DNAH7: variants seen among roughly 807,000 people sequenced by gnomAD.
DNAH7 encodes the protein axonemal beta dynein heavy chain 7.
Under a neutral mutation model 444.6 loss-of-function variants are expected in DNAH7, and 397 were observed. The observed-to-expected ratio is 0.89, with a 90% confidence interval of 0.82 to 0.97. The LOEUF is 0.97. DNAH7 is among the 50% of genes least tolerant of loss of function. DNAH7 has a pLI of 0.00. For missense variants in DNAH7, 4,902 were observed against 4,800.8 expected (o/e 1.02, Z -0.62); for synonymous variants, 1,636 against 1,624.4 (o/e 1.01, Z -0.17).
At chr2:195,759,145 T>C (rs1053320240) in intron 61 of DNAH7, among the ~76,000 whole-genome samples, 10 of 152,030 alleles carry the variant, frequency 6.6e-5, no homozygotes, top group Non-Finnish European at 1.0e-4. Context: ...TCCTTACTGC[T>C]TGAGGAGAGG....
chr2:195,919,748 T>C (rs942613381), intron 24 of DNAH7, among the ~76,000 whole-genome samples: 11 of 152,114 alleles, frequency 7.2e-5, no homozygotes, highest in South Asian at 2.1e-4. Flanking sequence ...TGAGAAAGAA[T>C]TGAGGACAAA....
At chr2:195,986,375 T>C (rs1273306338) in intron 14 of DNAH7, among the ~76,000 whole-genome samples, 1 of 152,196 alleles carries the variant, frequency 6.6e-6, no homozygotes, top group Non-Finnish European at 1.5e-5. Flanking sequence ...CTATACAGCT[T>C]GAAAGAAATA....
Position 195,778,669 on chromosome 2 carries a change from T to TATAC in DNAH7, c.10879-685_10879-684insGTAT, listed in dbSNP as rs1446625777. On this transcript the variant is annotated intron_variant, in intron 58 of 64. Transcript: ENST00000312428. ...ATATATATATATATATATATATATA[T>TATAC]ACACACACACACATATATATACACA... Among the ~76,000 whole-genome samples, 230 of 64,060 alleles carry TATAC rather than the reference T, an allele frequency of 3.6e-3. 36 individuals are homozygous for TATAC. Among genetic ancestry groups the TATAC allele is most frequent in the Non-Finnish European group, 5.1e-3 (191 of 37,460 alleles). The allele number at this position is 64,060 out of a possible 152,430, so 42.0% of individuals were successfully genotyped here. A position where few individuals can be genotyped will look rare whatever the true frequency, so the allele number is the denominator to read the frequency against.
At chr2:195,836,533 G>A (rs1698382878) in intron 47 of DNAH7, among the ~76,000 whole-genome samples, 2 of 151,228 alleles carry the variant, frequency 1.3e-5, no homozygotes, top group Admixed American at 6.6e-5. Context: ...CTCCAAATAC[G>A]GTCACATGGG....
At chr2:195,919,076 C>A (rs927379716) in intron 24 of DNAH7, among the ~76,000 whole-genome samples, 1 of 151,960 alleles carries the variant, frequency 6.6e-6, no homozygotes, top group Non-Finnish European at 1.5e-5. Context: ...TGGTGAAACT[C>A]TGTCTCTACT....
At chr2:195,830,868 C>T (rs1698035870) in intron 48 of DNAH7, among the ~76,000 whole-genome samples, 1 of 152,310 alleles carries the variant, frequency 6.6e-6, no homozygotes, top group East Asian at 1.9e-4. Flanking sequence ...AAGACTGAGT[C>T]TGTCTTATTC....
At chr2:195,980,844 C>A (rs1574940941) in intron 15 of DNAH7, among the ~76,000 whole-genome samples, 1 of 150,262 alleles carries the variant, frequency 6.7e-6, no homozygotes, top group Non-Finnish European at 1.5e-5. Flanking sequence ...AAATTGTGCA[C>A]AGGAGGACAC....
At chr2:195,749,402 A>G (rs1276598003) in intron 63 of DNAH7, among the ~76,000 whole-genome samples, 1 of 151,786 alleles carries the variant, frequency 6.6e-6, no homozygotes, top group African/African-American at 2.4e-5. Context: ...AACTAGTTCA[A>G]CCATTGTGGA....
At chr2:195,910,971 G>GA (rs1211885777) in intron 24 of DNAH7, among the ~76,000 whole-genome samples, 5 of 152,056 alleles carry the variant, frequency 3.3e-5, no homozygotes, top group African/African-American at 1.2e-4. Context: ...TTCTGAACCA[G>GA]AAAAAAACTC....
At chr2:195,877,077 A>G (rs1250487822) in intron 36 of DNAH7, among the ~76,000 whole-genome samples, 1 of 152,186 alleles carries the variant, frequency 6.6e-6, no homozygotes, top group Non-Finnish European at 1.5e-5. Flanking sequence ...CTTACATACA[A>G]AGCGATCTTT....
intron 58 of DNAH7, among the ~76,000 whole-genome samples, chr2:195,778,651 T>TAA: frequency 1.4e-5 from 1 of 69,704 alleles, no homozygotes; most frequent in Non-Finnish European, 2.4e-5. Flanking sequence ...TAAATATATA[T>TAA]ATATATATAT....
intron 57 of DNAH7, among the ~76,000 whole-genome samples, chr2:195,793,041 C>T (rs1385168644): frequency 6.6e-6 from 1 of 152,082 alleles, no homozygotes; most frequent in Non-Finnish European, 1.5e-5. Context: ...GCGATCCTCC[C>T]TCCTCAGCCT....
chr2:195,960,554 T>C lies in DNAH7; in HGVS notation c.2597A>G (p.Gln866Arg), dbSNP rs1254982328. Residue 866 changes from glutamine (Q) to arginine (R), a missense_variant, in exon 18 of 65, where the codon CAG (glutamine) becomes CGG (arginine). By Grantham distance (43) the Gln-to-Arg change is conservative. Transcript: ENST00000312428. ...AMSAIVGYPL[Q>R]PSDDSTVSSF... ...GGAGACTGTGGAGTCATCTGATGGC[T>C]GCAAAGGGTAACCAACAATGGCAGA... 2 of 1,614,078 alleles carry C rather than the reference T, an allele frequency of 1.2e-6. No homozygotes were observed. The highest frequency in any genetic ancestry group is 2.7e-5 in the African/African-American group (2 of 74,922).
At chr2:195,978,757 A>G (rs551546691) in intron 15 of DNAH7, among the ~76,000 whole-genome samples, 14 of 152,258 alleles carry the variant, frequency 9.2e-5, no homozygotes, top group African/African-American at 3.1e-4. Flanking sequence ...TGAAAACCAA[A>G]AGAGACCCGG....
intron 54 of DNAH7, among the ~76,000 whole-genome samples, chr2:195,805,082 G>A (rs1290488935): frequency 6.6e-6 from 1 of 152,100 alleles, no homozygotes; most frequent in Non-Finnish European, 1.5e-5. Context: ...TTTAAAAAGA[G>A]AGTGAACGTA....
chr2:195,819,827 G>A (rs1697375199), intron 49 of DNAH7, among the ~76,000 whole-genome samples: 2 of 152,198 alleles, frequency 1.3e-5, no homozygotes, highest in South Asian at 4.1e-4. Flanking sequence ...AACCTTGGAT[G>A]CTGATTGGAA....
intron 15 of DNAH7, among the ~76,000 whole-genome samples, chr2:195,980,231 G>A (rs1474224901): frequency 6.6e-6 from 1 of 152,128 alleles, no homozygotes; most frequent in African/African-American, 2.4e-5. Flanking sequence ...CTGTTCTGGT[G>A]ATACTGAGTC....
At chr2:195,978,090 A>G (rs1399199399) in intron 15 of DNAH7, among the ~76,000 whole-genome samples, 1 of 152,142 alleles carries the variant, frequency 6.6e-6, no homozygotes, top group Non-Finnish European at 1.5e-5. Flanking sequence ...ATAAACAGAA[A>G]AACACAGACT....
At chr2:195,858,380 A>AT in intron 43 of DNAH7, 94 bp downstream of exon 43, 1 of 1,046,000 alleles carries the variant, frequency 9.6e-7, no homozygotes, top group Non-Finnish European at 1.3e-6. Flanking sequence ...TTTCAGGCTA[A>AT]TTCGGAGAGA....
Sources: allele counts gnomAD v4.1 joint callset (sites outside exome capture counted in the v4.1 genomes callset), GRCh38; gene constraint gnomAD v4.1.1; transcripts MANE v1.5; gene names NCBI Gene and HGNC (gene_info 2026-07-23, HGNC 2026-07-21).